NOL4: variants seen among roughly 807,000 people sequenced by gnomAD.
NOL4 encodes cancer/testis antigen 125.
In NOL4, 17 loss-of-function variants were observed where a neutral mutation model predicts 75.9. That is an observed-to-expected ratio of 0.22 (90% CI 0.15 to 0.34). NOL4 has a LOEUF of 0.34. Ranked by LOEUF, NOL4 falls within the 10% of genes least tolerant of loss-of-function variation. NOL4 has a pLI of 1.00. For missense variants in NOL4, 614 were observed against 793.5 expected (o/e 0.77, Z 2.72); for synonymous variants, 292 against 289.9 (o/e 1.01, Z -0.07).
At chr18:34,141,798 A>G (rs2081177009) in intron 1 of NOL4, among the ~76,000 whole-genome samples, 1 of 152,210 alleles carries the variant, frequency 6.6e-6, no homozygotes. Context: ...CTAAAACACC[A>G]AAAGCAATGG....
chr18:33,967,124 C>G (rs1939583317), intron 6 of NOL4, among the ~76,000 whole-genome samples: 1 of 152,126 alleles, frequency 6.6e-6, no homozygotes, highest in African/African-American at 2.4e-5. Flanking sequence ...GGTACAGAAA[C>G]AGATACATGG....
intron 10 of NOL4, among the ~76,000 whole-genome samples, chr18:33,873,446 G>A (rs76077485): frequency 0.02 from 3,088 of 151,904 alleles, 51 homozygotes; most frequent in Middle Eastern, 0.051. Context: ...CTGAACTAGG[G>A]GTTTAAGCTT....
At chr18:34,130,749 T>C (rs1024072209) in intron 1 of NOL4, among the ~76,000 whole-genome samples, 1 of 152,150 alleles carries the variant, frequency 6.6e-6, no homozygotes, top group Non-Finnish European at 1.5e-5. Flanking sequence ...TACCACATAA[T>C]GAACCCTCAG....
intron 2 of NOL4, among the ~76,000 whole-genome samples, chr18:34,112,376 A>G (rs1046044636): frequency 5.9e-5 from 9 of 152,090 alleles, no homozygotes; most frequent in Non-Finnish European, 1.2e-4. Context: ...CCCCCCAAAA[A>G]AAAAAGATAT....
Position 33,958,407 on chromosome 18 carries a change from A to C in NOL4, c.1068T>G (p.His356Gln). 1 of 1,612,690 alleles carries C rather than the reference A, an allele frequency of 6.2e-7. No individual in the cohort carries two copies. The highest frequency in any genetic ancestry group is 2.2e-5 in the East Asian group (1 of 44,844). ...TGCCAGAGTCATAGCTGGAGTAACT[A>C]TGTGCAGGAGACTGAAAAGAGAAGG... ...ARENGSKSPA[H>Q]SYSSYDSGKN... Residue 356 changes from histidine (H) to glutamine (Q), a missense_variant, in exon 7 of 11, where the codon CAT becomes CAG. By Grantham distance (24) the His-to-Gln change is conservative (BLOSUM62 0). This residue lies in a region of NOL4 where 196 missense variants were observed against 167.9 expected (regional missense o/e 1.17). Transcript: ENST00000261592.
intron 1 of NOL4, among the ~76,000 whole-genome samples, chr18:34,213,315 A>C (rs563341751): frequency 2.4e-4 from 37 of 152,124 alleles, no homozygotes; most frequent in Non-Finnish European, 3.8e-4. Context: ...TTTGAGATGG[A>C]GTCTCACTCT....
At position 34,208,311 on chromosome 18, in the gene NOL4, C is replaced by T. The variant is rs75379339; in HGVS notation, c.264+14679G>A. Among the ~76,000 whole-genome samples, 79 of 152,070 alleles carry T rather than the reference C, an allele frequency of 5.2e-4. 1 individual carries two copies. The East Asian group carries it at 0.015, about 29-fold the overall frequency. ...AGTGAGCTTAACCAGCACTGGAACC[C>T]TATGGTAGTTTTCTAGAAACAAAGA... On this transcript the variant is annotated intron_variant, in intron 1 of 10. Transcript: ENST00000261592.
At chr18:34,168,829 T>C (rs1302225490) in intron 1 of NOL4, among the ~76,000 whole-genome samples, 1 of 151,280 alleles carries the variant, frequency 6.6e-6, no homozygotes, top group Non-Finnish European at 1.5e-5. Context: ...AGAGGGAAGG[T>C]GAATAAAAAA....
chr18:34,012,831 A>T (rs944659006), intron 6 of NOL4, among the ~76,000 whole-genome samples: 6 of 152,024 alleles, frequency 3.9e-5, no homozygotes, highest in African/African-American at 1.2e-4. Flanking sequence ...GAAGCTATCC[A>T]CTGATTGTAT....
At chr18:34,018,006 T>C (rs1173184780) in intron 6 of NOL4, among the ~76,000 whole-genome samples, 1 of 152,064 alleles carries the variant, frequency 6.6e-6, no homozygotes, top group African/African-American at 2.4e-5. Context: ...TATGTTTTAA[T>C]AAGCATCGTT....
intron 4 of NOL4, among the ~76,000 whole-genome samples, chr18:34,100,291 C>T (rs2078986578): frequency 6.6e-6 from 1 of 152,034 alleles, no homozygotes; most frequent in African/African-American, 2.4e-5. Context: ...TGTAAATATG[C>T]TATAATTTCT....
intron 9 of NOL4, among the ~76,000 whole-genome samples, chr18:33,888,009 T>C (rs1303262609): frequency 2.0e-5 from 3 of 152,214 alleles, no homozygotes; most frequent in Admixed American, 1.3e-4. Context: ...TCTTCCACAA[T>C]GGTTGAACTA....
chr18:33,879,458 G>A (rs543390266), intron 10 of NOL4, among the ~76,000 whole-genome samples: 1 of 152,100 alleles, frequency 6.6e-6, no homozygotes, highest in Admixed American at 6.6e-5. Flanking sequence ...CATCACTTGA[G>A]ATCAGGAGTT....
At chr18:33,986,273 G>A (rs1343081479) in intron 6 of NOL4, among the ~76,000 whole-genome samples, 3 of 152,126 alleles carry the variant, frequency 2.0e-5, no homozygotes, top group East Asian at 3.9e-4. Context: ...TTGGACAAAA[G>A]CAAATAATAT....
At chr18:34,154,887 T>TG (rs2030070120) in intron 1 of NOL4, among the ~76,000 whole-genome samples, 1 of 152,028 alleles carries the variant, frequency 6.6e-6, no homozygotes, top group South Asian at 2.1e-4. Context: ...ATTTCTCTGA[T>TG]GACTACTGAG....
At chr18:33,938,482 T>C (rs1005218021) in intron 9 of NOL4, among the ~76,000 whole-genome samples, 1 of 152,094 alleles carries the variant, frequency 6.6e-6, no homozygotes, top group African/African-American at 2.4e-5. Flanking sequence ...TTCTAACAGG[T>C]GTGAGATGGT....
At chr18:33,989,145 TC>T (rs2072714568) in intron 6 of NOL4, among the ~76,000 whole-genome samples, 1 of 117,318 alleles carries the variant, frequency 8.5e-6, no homozygotes, top group African/African-American at 3.4e-5. Context: ...CCATGATCAC[TC>T]CATTGCACTC....
intron 5 of NOL4, among the ~76,000 whole-genome samples, chr18:34,059,876 GAA>G (rs1222360418): frequency 1.3e-5 from 2 of 152,124 alleles, no homozygotes; most frequent in Admixed American, 1.3e-4. Flanking sequence ...CACCCGGAGA[GAA>G]ACAGACCCAA....
chr18:34,072,556 G>T (rs1415957203), intron 5 of NOL4, among the ~76,000 whole-genome samples: 2 of 152,084 alleles, frequency 1.3e-5, no homozygotes, highest in Non-Finnish European at 2.9e-5. Context: ...ATGAAAAAAA[G>T]AAAAAGACTA....
Sources: gnomAD v4.1 joint callset for allele counts (sites outside exome capture counted in the v4.1 genomes callset) on GRCh38, gnomAD v4.1.1 for gene constraint, gnomAD v4.1.1 regional missense constraint, MANE v1.5 for transcripts, NCBI Gene and HGNC (gene_info 2026-07-23, HGNC 2026-07-21) for gene names.